The following RALYL variants were observed in gnomAD, a reference collection of about 807,000 sequenced individuals.
The protein encoded by RALYL is RALY RNA binding protein like.
In RALYL, 29 loss-of-function variants were observed where a neutral mutation model predicts 35.1. The observed-to-expected ratio is 0.83, with a 90% CI of 0.61 to 1.13. The LOEUF (loss-of-function observed/expected upper bound fraction) is 1.13. RALYL is among the 50% of genes most tolerant of loss of function. RALYL has a pLI of 0.00. For missense variants in RALYL, 359 were observed against 360.4 expected, an observed-to-expected ratio of 1.00 and a Z score of 0.03; for synonymous variants, 120 against 127.6, an observed-to-expected ratio of 0.94 and a Z score of 0.40.
chr8:84,884,001 T>A (rs979274232), intron 7 of RALYL, among the ~76,000 whole-genome samples: 2 of 151,968 alleles, frequency 1.3e-5, no homozygotes, highest in Non-Finnish European at 2.9e-5. Context: ...AAATTACAAT[T>A]AATAGGACTA....
At chr8:84,827,612 A>G (rs1055081164) in intron 4 of RALYL, among the ~76,000 whole-genome samples, 1 of 152,136 alleles carries the variant, frequency 6.6e-6, no homozygotes. Flanking sequence ...TACCAGAATA[A>G]CAGTGCCATT....
At chr8:84,428,096 TCTCTCTCTCTCACA>T (rs1053489940) in intron 1 of RALYL, among the ~76,000 whole-genome samples, 4 of 134,692 alleles carry the variant, frequency 3.0e-5, no homozygotes, top group Non-Finnish European at 6.4e-5. Flanking sequence ...TCTCTCTCTC[TCTCTCTCTCTCACA>T]CACACACACA....
At chr8:84,596,293 T>C (rs555131546) in intron 2 of RALYL, among the ~76,000 whole-genome samples, 22 of 152,204 alleles carry the variant, frequency 1.4e-4, no homozygotes, top group South Asian at 2.1e-4. Context: ...CTTCAGTTGG[T>C]CCATATTTTA....
intron 1 of RALYL, among the ~76,000 whole-genome samples, chr8:84,371,164 C>T (rs1035289933): frequency 2.0e-5 from 3 of 151,948 alleles, no homozygotes; most frequent in Non-Finnish European, 4.4e-5. Context: ...TCCACATTCA[C>T]TCAGTATTTA....
intron 2 of RALYL, among the ~76,000 whole-genome samples, chr8:84,773,513 C>G (rs1036616218): frequency 3.9e-5 from 6 of 152,202 alleles, no homozygotes; most frequent in Non-Finnish European, 5.9e-5. Context: ...CTCCTCCCAA[C>G]TTTCCAATTT....
Position 84,393,507 on chromosome 8 carries a change from A to G in RALYL, c.-23-135792A>G, listed in dbSNP as rs539541467. Among the ~76,000 whole-genome samples the G allele has an allele frequency of 2.6e-5, 4 of 152,200 alleles. No homozygotes were observed. The South Asian group carries it at 8.3e-4, about 32-fold the overall frequency. On this transcript the variant is annotated intron_variant, in intron 1 of 8. Transcript: ENST00000521268. The stretch of plus-strand genomic sequence containing the variant: ...ATGACGCTATGTACTGTTGCTTAGA[A>G]GGAAGCTACCCAAGAAAAGGGAATT...
chr8:84,703,075 G>A (rs770932321), intron 2 of RALYL, among the ~76,000 whole-genome samples: 3 of 151,852 alleles, frequency 2.0e-5, no homozygotes, highest in South Asian at 2.1e-4. Context: ...CCTACTTTTC[G>A]GAATGAAGGT....
chr8:84,887,840 T>C (rs1448940965), intron 8 of RALYL, 64 bp downstream of exon 8: 2 of 1,383,856 alleles, frequency 1.4e-6, no homozygotes, highest in Admixed American at 4.2e-5. Context: ...TAGCAACTCA[T>C]TCATTCTAAA....
intron 1 of RALYL, among the ~76,000 whole-genome samples, chr8:84,332,204 C>A (rs1385575727): frequency 6.6e-6 from 1 of 152,008 alleles, no homozygotes; most frequent in East Asian, 1.9e-4. Context: ...ATTTTACTAA[C>A]GTGTCAGTCT....
At chr8:84,496,343 C>A (rs116528722) in intron 1 of RALYL, among the ~76,000 whole-genome samples, 2,362 of 152,188 alleles carry the variant, frequency 0.016, 63 homozygotes, top group African/African-American at 0.053. Context: ...CTCAAGTTTG[C>A]AAACATGTTG....
At position 84,466,687 on chromosome 8, in the gene RALYL, T is replaced by G. The variant is rs1331141958; in HGVS notation, c.-23-62612T>G. ...TGAGTTAGGGAGGATTCCCTCTTTT[T>G]CTATTGATTAGAATAGTTTCAGAAG... On this transcript the variant is annotated intron_variant, in intron 1 of 8. Transcript: ENST00000521268. Among the ~76,000 whole-genome samples, 29 of 152,064 alleles carry G rather than the reference T, an allele frequency of 1.9e-4. No individual in the cohort carries two copies. The South Asian group carries it at 5.4e-3, about 28-fold the overall frequency.
intron 1 of RALYL, among the ~76,000 whole-genome samples, chr8:84,366,730 C>T (rs561997694): frequency 7.2e-6 from 1 of 139,492 alleles, no homozygotes; most frequent in East Asian, 2.1e-4. Flanking sequence ...CACCACTGCA[C>T]TCCAGCCTGG....
At chr8:84,438,969 G>A (rs1020176482) in intron 1 of RALYL, among the ~76,000 whole-genome samples, 2 of 151,482 alleles carry the variant, frequency 1.3e-5, no homozygotes, top group African/African-American at 4.9e-5. Context: ...CAGTACCAAC[G>A]TAGGCCTTGG....
At chr8:84,854,304 C>A (rs11985626) in intron 5 of RALYL, among the ~76,000 whole-genome samples, 61,777 of 151,016 alleles carry the variant, frequency 0.41, 13,471 homozygotes, top group South Asian at 0.54. Flanking sequence ...CGAGATCGTG[C>A]CACTGCACTC....
intron 8 of RALYL, among the ~76,000 whole-genome samples, chr8:84,908,823 G>A (rs1408949967): frequency 1.3e-5 from 2 of 150,626 alleles, no homozygotes; most frequent in African/African-American, 4.9e-5. Context: ...ACAAGTTGAT[G>A]TCACTGAATG....
In RALYL at chr8:84,529,365, A is replaced by T; in HGVS notation, c.44A>T (p.Asp15Val). 1 of 1,600,600 alleles carries T rather than the reference A, an allele frequency of 6.2e-7. No individual in the cohort carries two copies. The highest frequency in any genetic ancestry group is 1.3e-5 in the African/African-American group (1 of 74,970). ...ACCAGCAACGTCACCAATAAGAATG[A>T]CCCCAAGTCCATCAACTCCCGTGTT... The part of the protein sequence containing the change: ...TQTSNVTNKN[D>V]PKSINSRVFI... Residue 15 changes from aspartate (D) to valine (V), a missense_variant, in exon 2 of 9, where the codon GAC becomes GTC. By Grantham distance (152) the Asp-to-Val change is radical (BLOSUM62 -3). Coordinates refer to ENST00000521268, the MANE Select transcript of RALYL (RefSeq NM_173848.7).
At chr8:84,917,197 G>T (rs192219506) in intron 8 of RALYL, among the ~76,000 whole-genome samples, 128 of 151,998 alleles carry the variant, frequency 8.4e-4, no homozygotes, top group African/African-American at 3.0e-3. Context: ...TTGTTTCTTG[G>T]TCTTTTTTAT....
intron 2 of RALYL, among the ~76,000 whole-genome samples, chr8:84,565,129 C>A (rs1257908061): frequency 6.6e-6 from 1 of 151,486 alleles, no homozygotes; most frequent in Admixed American, 6.6e-5. Flanking sequence ...ATGAATGGAA[C>A]AGTATTAAAT....
rs139050917 is a variant in RALYL at position 84,205,643 on chromosome 8, A to G, written c.-24+21219A>G. Among the ~76,000 whole-genome samples, 718 of 152,334 alleles carry G rather than the reference A, an allele frequency of 4.7e-3. 2 individuals are homozygous for G. The highest frequency in any genetic ancestry group is 7.7e-3 in the Non-Finnish European group (527 of 68,028). Reference sequence around the variant, plus strand: ...GTCTGAATATTAGCACTAGTTATCAATAAAGAGCACAAGTGGGAAATCCAT... The same window carrying G: ...GTCTGAATATTAGCACTAGTTATCAGTAAAGAGCACAAGTGGGAAATCCAT... On this transcript the variant is annotated intron_variant, in intron 1 of 8. Coordinates refer to ENST00000521268, the MANE Select transcript of RALYL (RefSeq NM_173848.7).
Sources: allele counts gnomAD v4.1 joint callset (sites outside exome capture counted in the v4.1 genomes callset), GRCh38; gene constraint gnomAD v4.1.1; transcripts MANE v1.5; gene names NCBI Gene and HGNC (gene_info 2026-07-23, HGNC 2026-07-21).